Variants in ANKH observed in about 807,000 individuals in gnomAD.
The protein encoded by ANKH is mineralization regulator ANKH.
A neutral mutation model predicts 49.0 loss-of-function variants in ANKH; 15 were observed. The ratio of observed to expected loss-of-function variants is 0.31; its 90% CI spans 0.20 to 0.47. The LOEUF (loss-of-function observed/expected upper bound fraction) is 0.47. Among genes scored for constraint, ANKH ranks in the 20% least tolerant of loss-of-function variants. The probability of loss-of-function intolerance (pLI) is 1.00; values close to 1 mark genes in which losing one functional copy is unlikely to be tolerated. For synonymous variants in ANKH, 273 were observed against 260.0 expected, an observed-to-expected ratio of 1.05 and a Z score of -0.48; for missense variants, 429 against 652.0, an observed-to-expected ratio of 0.66 and a Z score of 3.72.
At chr5:14,857,940 T>C (rs1275727784) in intron 1 of ANKH, among the ~76,000 whole-genome samples, 2 of 152,156 alleles carry the variant, frequency 1.3e-5, no homozygotes, top group Non-Finnish European at 2.9e-5. Context: ...AAGGGGCACA[T>C]TGTGACCGGT....
chr5:14,741,684 G>A (rs1738360936), intron 8 of ANKH, 143 bp downstream of exon 8: 5 of 684,828 alleles, frequency 7.3e-6, no homozygotes, highest in Middle Eastern at 2.4e-4. Flanking sequence ...CACATTTGAA[G>A]AAGAAAGTGT....
rs534140918 is a variant in ANKH, at chr5:14,854,372, A to G, written c.96+16980T>C. Among the ~76,000 whole-genome samples the G allele has an allele frequency of 4.6e-5, 7 of 152,204 alleles. No individual in the cohort carries two copies. The South Asian group carries it at 1.2e-3, about 27-fold the overall frequency. Reference sequence around the variant, plus strand: ...AACAGAACTCATTCTCTTTGCCACAACCTAGCTCTTTTAAAGCTTGGTGGT... The same window carrying G: ...AACAGAACTCATTCTCTTTGCCACAGCCTAGCTCTTTTAAAGCTTGGTGGT... On this transcript the variant is annotated intron_variant, in intron 1 of 11. Coordinates refer to ENST00000284268, the MANE Select transcript of ANKH (RefSeq NM_054027.6).
At chr5:14,776,426 G>C (rs985407670) in intron 1 of ANKH, among the ~76,000 whole-genome samples, 1 of 152,134 alleles carries the variant, frequency 6.6e-6, no homozygotes, top group African/African-American at 2.4e-5. Flanking sequence ...AAAGCTAGGG[G>C]ACTGAACAAG....
At position 14,730,574 on chromosome 5, in the gene ANKH, G is replaced by C. The variant is rs4083064; in HGVS notation, c.1011+11253C>G. 2.0e-5 allele frequency among the ~76,000 whole-genome samples: 3 copies of C among 152,286 alleles called. No individual in the cohort carries two copies. In the East Asian group the frequency reaches 5.8e-4, roughly 30 times the overall value. On this transcript the variant is annotated intron_variant, in intron 8 of 11. Coordinates refer to ENST00000284268, the MANE Select transcript of ANKH (RefSeq NM_054027.6). Reference sequence around the variant, plus strand: ...AACGTGCATCCATGCCTTCACCTGAGGGCAGGGGTTTGGAAGCCAGTCTCT... The same window carrying C: ...AACGTGCATCCATGCCTTCACCTGACGGCAGGGGTTTGGAAGCCAGTCTCT...
At chr5:14,830,482 G>A (rs996149935) in intron 1 of ANKH, among the ~76,000 whole-genome samples, 2 of 151,008 alleles carry the variant, frequency 1.3e-5, no homozygotes, top group African/African-American at 4.9e-5. Context: ...CTGATGGCTT[G>A]GATATTTAAA....
At chr5:14,763,674 G>A (rs544552552) in intron 2 of ANKH, among the ~76,000 whole-genome samples, 37 of 152,340 alleles carry the variant, frequency 2.4e-4, no homozygotes, top group African/African-American at 8.9e-4. Flanking sequence ...GTGGGGTTCA[G>A]AAGAATTTAT....
intron 4 of ANKH, among the ~76,000 whole-genome samples, chr5:14,752,008 T>G (rs74320878): frequency 6.6e-6 from 1 of 152,264 alleles, no homozygotes; most frequent in Non-Finnish European, 1.5e-5. Context: ...GTTTATAGGA[T>G]AGAAGGCACT....
chr5:14,713,227 C>G lies in ANKH; in HGVS notation c.1266-254G>C, dbSNP rs1201168836. Among the ~76,000 whole-genome samples, 1 of 152,176 alleles carries G rather than the reference C, an allele frequency of 6.6e-6. No homozygotes were observed. Among genetic ancestry groups the G allele is most frequent in the Non-Finnish European group, 1.5e-5 (1 of 68,030 alleles). Reference sequence around the variant, plus strand: ...CCCACCCTCCCCAGGACGCTGGGAGCTCCCTGAGCGCAGGGACCATGTCCT... The same window carrying G: ...CCCACCCTCCCCAGGACGCTGGGAGGTCCCTGAGCGCAGGGACCATGTCCT... On this transcript the variant is annotated intron_variant, in intron 10 of 11. Transcript: ENST00000284268. This position sits in a 1 kb window ranked among gnomAD's most constrained non-coding sequence, Gnocchi z 4.4.
chr5:14,776,789 G>A (rs940358735), intron 1 of ANKH, among the ~76,000 whole-genome samples: 1 of 152,208 alleles, frequency 6.6e-6, no homozygotes, highest in African/African-American at 2.4e-5. Flanking sequence ...GTTTAAAGGC[G>A]AGTCTCTAAA....
At chr5:14,731,147 C>T (rs778493697) in intron 8 of ANKH, among the ~76,000 whole-genome samples, 5 of 152,204 alleles carry the variant, frequency 3.3e-5, no homozygotes, top group Non-Finnish European at 5.9e-5. Flanking sequence ...GAAGGACTAT[C>T]TGGAAGGCTG....
intron 1 of ANKH, among the ~76,000 whole-genome samples, chr5:14,779,533 CG>C (rs936114401): frequency 1.8e-4 from 27 of 152,298 alleles, no homozygotes; most frequent in African/African-American, 6.5e-4. Flanking sequence ...AGGGACTGGG[CG>C]TATTTGTCAC....
intron 8 of ANKH, among the ~76,000 whole-genome samples, chr5:14,740,175 G>A (rs1317948014): frequency 6.6e-6 from 1 of 152,142 alleles, no homozygotes; most frequent in Non-Finnish European, 1.5e-5. Context: ...GCGGCAGCCA[G>A]GCGTTGTCAG....
rs907523263 is a variant in ANKH, at chr5:14,725,326, C to T, written c.1012-8491G>A. On this transcript the variant is annotated intron_variant, in intron 8 of 11. Transcript: ENST00000284268. This position sits in a 1 kb window ranked among gnomAD's most constrained non-coding sequence, Gnocchi z 4.0. Reference sequence around the variant, plus strand: ...AGAGTGCTGGTCTGCCAACTGTGGACTGGTCCACACTGAGATAAGCAGTTG... The same window carrying T: ...AGAGTGCTGGTCTGCCAACTGTGGATTGGTCCACACTGAGATAAGCAGTTG... Among the ~76,000 whole-genome samples, 2 of 152,236 alleles carry T rather than the reference C, an allele frequency of 1.3e-5. No homozygotes were observed. Among genetic ancestry groups the T allele is most frequent in the African/African-American group, 4.8e-5 (2 of 41,462 alleles).
intron 8 of ANKH, among the ~76,000 whole-genome samples, chr5:14,736,323 C>A (rs573110072): frequency 2.0e-5 from 3 of 152,168 alleles, no homozygotes; most frequent in Non-Finnish European, 4.4e-5. Context: ...GTGGGGCCAG[C>A]CCTGGACAGA....
chr5:14,740,597 C>T (rs76007534), intron 8 of ANKH, among the ~76,000 whole-genome samples: 169 of 152,344 alleles, frequency 1.1e-3, no homozygotes, highest in Non-Finnish European at 1.4e-3. Flanking sequence ...GGTCATGACT[C>T]GGCAGTGTCA....
At position 14,745,811 on chromosome 5, in the gene ANKH, G is replaced by T; in HGVS notation, c.915+59C>A. The T allele has an allele frequency of 6.8e-7, 1 of 1,473,610 alleles. No individual in the cohort carries two copies. The highest frequency in any genetic ancestry group is 9.5e-7 in the Non-Finnish European group (1 of 1,052,786). 91.3% of individuals were successfully genotyped at this position (1,473,610 alleles called of 1,614,324 possible). A position where few individuals can be genotyped will look rare whatever the true frequency, so the allele number is the denominator to read the frequency against. On this transcript the variant is annotated intron_variant, in intron 7 of 11. Coordinates refer to ENST00000284268, the MANE Select transcript of ANKH (RefSeq NM_054027.6). This position sits in a 1 kb window ranked among gnomAD's most constrained non-coding sequence, Gnocchi z 4.7. ...AAAGTGTCCCTCATCAGAGAGCCCT[G>T]TCTATCAAGAAGTCATTTCAAAAGC... is the stretch of plus-strand genomic sequence containing the variant.
At chr5:14,747,358 T>C (rs28703751) in intron 6 of ANKH, among the ~76,000 whole-genome samples, 2,159 of 152,274 alleles carry the variant, frequency 0.014, 19 homozygotes, top group African/African-American at 0.028. Flanking sequence ...GGTTGGAGAA[T>C]TGCTTGAGCC....
intron 1 of ANKH, among the ~76,000 whole-genome samples, chr5:14,824,567 A>G (rs1359693904): frequency 1.3e-5 from 2 of 152,214 alleles, no homozygotes; most frequent in Non-Finnish European, 2.9e-5. Context: ...ATACAAAATA[A>G]GAAGTAATTT....
chr5:14,711,713 A>G (rs1483149843), intron 11 of ANKH, among the ~76,000 whole-genome samples: 2 of 152,200 alleles, frequency 1.3e-5, no homozygotes, highest in South Asian at 2.1e-4. Flanking sequence ...CACCTTGTAC[A>G]GCATCCGTCA....
Sources: allele counts gnomAD v4.1 joint callset (sites outside exome capture counted in the v4.1 genomes callset), GRCh38; gene constraint gnomAD v4.1.1; non-coding constraint Gnocchi (gnomAD v3.1); transcripts MANE v1.5; gene names NCBI Gene and HGNC (gene_info 2026-07-23, HGNC 2026-07-21).